The following PHACTR3 variants were observed in gnomAD, a reference collection of about 807,000 sequenced individuals.
PHACTR3 encodes the protein phosphatase and actin regulator 3.
A neutral mutation model predicts 66.8 loss-of-function variants in PHACTR3; 16 were observed. The ratio of observed to expected loss-of-function variants is 0.24; its 90% CI spans 0.16 to 0.36. The LOEUF (loss-of-function observed/expected upper bound fraction) is 0.36, where lower values mean the gene tolerates loss of function less well. PHACTR3 is among the 10% of genes least tolerant of loss of function. PHACTR3 has a pLI of 1.00. For missense variants in PHACTR3, 647 were observed against 719.9 expected (o/e 0.90, Z 1.16); for synonymous variants, 323 against 292.1 (o/e 1.11, Z -1.08).
chr20:59,752,189 C>T (rs1370626772), intron 3 of PHACTR3, among the ~76,000 whole-genome samples: 2 of 152,194 alleles, frequency 1.3e-5, no homozygotes, highest in South Asian at 2.1e-4. Context: ...CATGTCTGCA[C>T]GTGTGCACAC....
intron 7 of PHACTR3, among the ~76,000 whole-genome samples, chr20:59,783,377 G>A (rs540246321): frequency 7.9e-4 from 120 of 152,318 alleles, no homozygotes; most frequent in African/African-American, 2.7e-3. Context: ...AGCTCTCAGA[G>A]TGGGAACGCA....
At chr20:59,605,158 G>T in intron 1 of PHACTR3, 26 bp downstream of exon 1, 2 of 1,275,886 alleles carry the variant, frequency 1.6e-6, no homozygotes. Context: ...GGGGCGGCGG[G>T]CGGGTCGGGG....
chr20:59,631,236 T>G (rs1231269469), intron 1 of PHACTR3, among the ~76,000 whole-genome samples: 3 of 152,216 alleles, frequency 2.0e-5, no homozygotes, highest in African/African-American at 7.2e-5. Flanking sequence ...TCTGGTCCGG[T>G]GCCTCTGAAA....
intron 1 of PHACTR3, among the ~76,000 whole-genome samples, chr20:59,627,390 G>A (rs1199824041): frequency 6.6e-6 from 1 of 152,238 alleles, no homozygotes; most frequent in Non-Finnish European, 1.5e-5. Flanking sequence ...GCTAGATGTG[G>A]TGTGAGAGGG....
intron 1 of PHACTR3, 106 bp downstream of exon 1, chr20:59,605,238 C>T (rs374272876): frequency 8.5e-5 from 68 of 795,918 alleles, no homozygotes; most frequent in Non-Finnish European, 1.1e-4. Flanking sequence ...TTCGGGGAGC[C>T]GCGGCAGGAA....
chr20:59,835,128 G>A (rs189223074), intron 8 of PHACTR3, among the ~76,000 whole-genome samples: 1 of 152,280 alleles, frequency 6.6e-6, no homozygotes, highest in Admixed American at 6.5e-5. Context: ...AACAGTGCCT[G>A]GCACATAGCA....
At chr20:59,793,903 C>T (rs939071406) in intron 7 of PHACTR3, among the ~76,000 whole-genome samples, 2 of 151,880 alleles carry the variant, frequency 1.3e-5, no homozygotes, top group Non-Finnish European at 2.9e-5. Flanking sequence ...AGGTGGATTA[C>T]TTGAGGATAA....
intron 1 of PHACTR3, among the ~76,000 whole-genome samples, chr20:59,716,204 CTTTGTG>C (rs1236373071): frequency 4.5e-5 from 6 of 132,366 alleles, no homozygotes; most frequent in African/African-American, 1.5e-4. Flanking sequence ...TCCCTTCACC[CTTTGTG>C]TGTGTGTGTG....
chr20:59,687,289 G>A (rs2036939264), intron 1 of PHACTR3, among the ~76,000 whole-genome samples: 2 of 152,112 alleles, frequency 1.3e-5, no homozygotes, highest in African/African-American at 2.4e-5. Flanking sequence ...AGTGGTGTTG[G>A]TGATGATAAT....
At chr20:59,827,452 C>T (rs564688283) in intron 8 of PHACTR3, among the ~76,000 whole-genome samples, 1 of 152,286 alleles carries the variant, frequency 6.6e-6, no homozygotes, top group East Asian at 1.9e-4. Flanking sequence ...GCCAGGCTGA[C>T]AAAACAGAAA....
chr20:59,708,262 GC>G (rs1417031506), intron 1 of PHACTR3, among the ~76,000 whole-genome samples: 1 of 152,198 alleles, frequency 6.6e-6, no homozygotes, highest in Non-Finnish European at 1.5e-5. Context: ...CTTTTGAGGG[GC>G]TCACAACCAT....
chr20:59,714,364 T>C (rs192155333), intron 1 of PHACTR3, among the ~76,000 whole-genome samples: 1 of 152,202 alleles, frequency 6.6e-6, no homozygotes, highest in East Asian at 1.9e-4. Context: ...ATTAATTTTA[T>C]GTATGGTATG....
intron 8 of PHACTR3, among the ~76,000 whole-genome samples, chr20:59,807,060 C>T (rs188211013): frequency 4.6e-5 from 7 of 152,320 alleles, no homozygotes; most frequent in East Asian, 1.9e-4. Context: ...AAGGCTAGCA[C>T]GCGACCGTGC....
At chr20:59,823,341 G>A (rs6100608) in intron 8 of PHACTR3, among the ~76,000 whole-genome samples, 7,654 of 152,126 alleles carry the variant, frequency 0.05, 562 homozygotes, top group African/African-American at 0.16. Flanking sequence ...TGCCCAGCTC[G>A]GGGTGAGCTG....
chr20:59,645,832 C>A (rs923644851), intron 1 of PHACTR3, among the ~76,000 whole-genome samples: 1 of 152,098 alleles, frequency 6.6e-6, no homozygotes, highest in Non-Finnish European at 1.5e-5. Flanking sequence ...CAGTGCCTGG[C>A]ACATCATGAA....
At chr20:59,595,294 C>T (rs916375495) in intron 1 of PHACTR3, among the ~76,000 whole-genome samples, 3 of 152,070 alleles carry the variant, frequency 2.0e-5, no homozygotes, top group Non-Finnish European at 4.4e-5. Flanking sequence ...AACCCCATCT[C>T]TACTAAAAAA....
chr20:59,664,916 C>T (rs928787825), intron 1 of PHACTR3, among the ~76,000 whole-genome samples: 2 of 152,184 alleles, frequency 1.3e-5, no homozygotes, highest in Non-Finnish European at 2.9e-5. Flanking sequence ...GGGCTGGGTG[C>T]AGGATTCTCC....
chr20:59,789,398 T>A (rs1382981743), intron 7 of PHACTR3, among the ~76,000 whole-genome samples: 1 of 152,230 alleles, frequency 6.6e-6, no homozygotes, highest in East Asian at 1.9e-4. Context: ...CCTGTGAGCA[T>A]GACAGCTGAA....
chr20:59,744,970 T>C (rs146497743), intron 2 of PHACTR3, among the ~76,000 whole-genome samples: 31 of 152,294 alleles, frequency 2.0e-4, no homozygotes, highest in African/African-American at 7.0e-4. Context: ...TTTGTTCCCC[T>C]GCATCTGGCA....
Sources: allele counts gnomAD v4.1 joint callset (sites outside exome capture counted in the v4.1 genomes callset), GRCh38; gene constraint gnomAD v4.1.1; transcripts MANE v1.5; gene names NCBI Gene and HGNC (gene_info 2026-07-23, HGNC 2026-07-21).